Variants in CAPZB observed in about 807,000 individuals in gnomAD.
The protein encoded by CAPZB is F-actin-capping protein subunit beta.
A neutral mutation model predicts 38.1 loss-of-function variants in CAPZB; 2 were observed. That is an observed-to-expected ratio of 0.05 (90% CI 0.02 to 0.17). The LOEUF is 0.17. Among genes scored for constraint, CAPZB ranks in the 10% least tolerant of loss-of-function variants. The pLI is 1.00. For missense variants in CAPZB, 161 were observed against 334.2 expected, an observed-to-expected ratio of 0.48 and a Z score of 4.04; for synonymous variants, 107 against 127.4, an observed-to-expected ratio of 0.84 and a Z score of 1.08.
Position 19,467,376 on chromosome 1 carries a change from G to A in CAPZB, c.3+18060C>T, listed in dbSNP as rs187022954. ...AGAAGGGAGAAGGGAGGCAAAGAGA[G>A]GAACAGTCCCCTCCAGCGGCTCAGC... On this transcript the variant is annotated intron_variant, in intron 1 of 8. Coordinates refer to ENST00000264202, the MANE Select transcript of CAPZB (RefSeq NM_004930.5). 6.6e-5 allele frequency among the ~76,000 whole-genome samples: 10 copies of A among 152,282 alleles called. No individual in the cohort carries two copies. In the East Asian group the frequency reaches 1.9e-3, roughly 29 times the overall value.
At chr1:19,438,095 G>T (rs879477004) in intron 1 of CAPZB, among the ~76,000 whole-genome samples, 3 of 152,178 alleles carry the variant, frequency 2.0e-5, no homozygotes, top group African/African-American at 4.8e-5. Flanking sequence ...TACGTCAGGG[G>T]AGGGGACCGG....
chr1:19,437,179 T>G (rs553493786), intron 1 of CAPZB, among the ~76,000 whole-genome samples: 8 of 152,356 alleles, frequency 5.3e-5, no homozygotes, highest in African/African-American at 1.9e-4. Context: ...ATCTGCTGAC[T>G]GAGAGCTTTC....
intron 8 of CAPZB, among the ~76,000 whole-genome samples, chr1:19,343,712 C>A (rs143502652): frequency 6.6e-6 from 1 of 152,230 alleles, no homozygotes; most frequent in Admixed American, 6.5e-5. Flanking sequence ...CTCTGTCCGC[C>A]GTGGACCTGG....
chr1:19,427,091 C>T (rs190464413), intron 1 of CAPZB, among the ~76,000 whole-genome samples: 114 of 152,290 alleles, frequency 7.5e-4, no homozygotes, highest in Middle Eastern at 3.4e-3. Flanking sequence ...TAGCTGGGGC[C>T]AACTGCTAGA....
At position 19,394,436 on chromosome 1, in the gene CAPZB, G is replaced by A. The variant is rs79008803; in HGVS notation, c.94-8810C>T. On this transcript the variant is annotated intron_variant, in intron 2 of 8. Transcript: ENST00000264202. ...ATTTTGGCAACATTAAAACGCAAGCGATGGCTGGGCACAGTGGCTCACGCC... is the reference window on the plus strand; with the variant it reads ...ATTTTGGCAACATTAAAACGCAAGCAATGGCTGGGCACAGTGGCTCACGCC... 1.4e-3 allele frequency among the ~76,000 whole-genome samples: 220 copies of A among 152,314 alleles called. 3 individuals carry two copies. The East Asian group carries it at 0.037, about 26-fold the overall frequency.
chr1:19,418,060 G>A (rs1228571025), intron 2 of CAPZB, among the ~76,000 whole-genome samples: 1 of 146,284 alleles, frequency 6.8e-6, no homozygotes, highest in East Asian at 2.1e-4. Flanking sequence ...TGCTTGAACC[G>A]GGGAGGCGGA....
intron 1 of CAPZB, among the ~76,000 whole-genome samples, chr1:19,462,641 TGAAACAA>T (rs2094555823): frequency 6.6e-6 from 1 of 152,100 alleles, no homozygotes; most frequent in Non-Finnish European, 1.5e-5. Context: ...TAACCACATA[TGAAACAA>T]CATATTCACC....
intron 4 of CAPZB, among the ~76,000 whole-genome samples, chr1:19,373,454 C>G (rs941014574): frequency 6.6e-6 from 1 of 152,172 alleles, no homozygotes; most frequent in African/African-American, 2.4e-5. Context: ...AGAGCCTTTA[C>G]AGAGCCAGGG....
chr1:19,395,736 A>G (rs1280986953), intron 2 of CAPZB, among the ~76,000 whole-genome samples: 2 of 152,220 alleles, frequency 1.3e-5, no homozygotes, highest in African/African-American at 4.8e-5. Flanking sequence ...TGTGCAGAGA[A>G]GCCAGGGTCT....
intron 1 of CAPZB, among the ~76,000 whole-genome samples, chr1:19,469,674 A>T (rs937939840): frequency 6.6e-6 from 1 of 151,302 alleles, no homozygotes; most frequent in African/African-American, 2.4e-5. Context: ...GAGAGAAAAA[A>T]TACTCTACAC....
At chr1:19,400,852 C>G (rs2094299657) in intron 2 of CAPZB, among the ~76,000 whole-genome samples, 1 of 152,170 alleles carries the variant, frequency 6.6e-6, no homozygotes, top group East Asian at 1.9e-4. Context: ...GTGACAAGAG[C>G]CATCTTTTTC....
chr1:19,450,453 G>A (rs2094512406), intron 1 of CAPZB, among the ~76,000 whole-genome samples: 1 of 152,178 alleles, frequency 6.6e-6, no homozygotes, highest in Admixed American at 6.5e-5. Context: ...TTTCACATTA[G>A]GGATACTCAG....
intron 4 of CAPZB, among the ~76,000 whole-genome samples, chr1:19,365,770 G>A (rs1242356510): frequency 6.6e-6 from 1 of 151,950 alleles, no homozygotes; most frequent in African/African-American, 2.4e-5. Context: ...GGAGGCAGAG[G>A]TTGCGGTGAG....
chr1:19,432,042 C>CAAAAAAAAAAAAAAAAAAAAAA (rs10583269), intron 1 of CAPZB, among the ~76,000 whole-genome samples: 1 of 122,548 alleles, frequency 8.2e-6, no homozygotes, highest in Non-Finnish European at 1.7e-5. Context: ...GATCCTGTCT[C>CAAAAAAAAAAAAAAAAAAAAAA]AAAAAAAAAA....
chr1:19,457,507 A>G (rs1039705111), intron 1 of CAPZB, among the ~76,000 whole-genome samples: 4 of 152,230 alleles, frequency 2.6e-5, no homozygotes, highest in Admixed American at 6.5e-5. Context: ...ATTTAAGCAC[A>G]TGGCTCAAAG....
chr1:19,380,903 C>T (rs2094170854), intron 3 of CAPZB, among the ~76,000 whole-genome samples: 1 of 152,104 alleles, frequency 6.6e-6, no homozygotes, highest in African/African-American at 2.4e-5. Context: ...GGCGCGGTAG[C>T]TCACACCTGC....
At chr1:19,433,585 G>A (rs1056717271) in intron 1 of CAPZB, among the ~76,000 whole-genome samples, 5 of 152,144 alleles carry the variant, frequency 3.3e-5, no homozygotes, top group African/African-American at 7.2e-5. Context: ...CAGCACAAAC[G>A]GGCATGTCTG....
chr1:19,426,441 G>C lies in CAPZB; in HGVS notation c.4-6691C>G, dbSNP rs191713433. ...GTGACACTCCTCCCACTTGTGGTGG[G>C]GCGGGGGGGGGCTGTGTCCCCTCCG... On this transcript the variant is annotated intron_variant, in intron 1 of 8. Coordinates refer to ENST00000264202, the MANE Select transcript of CAPZB (RefSeq NM_004930.5). 1.7e-3 allele frequency among the ~76,000 whole-genome samples: 265 copies of C among 151,508 alleles called. 3 individuals carry two copies. Among genetic ancestry groups the C allele is most frequent in the African/African-American group, 6.2e-3 (253 of 40,920 alleles).
intron 4 of CAPZB, among the ~76,000 whole-genome samples, chr1:19,363,340 T>C (rs2094064710): frequency 6.7e-6 from 1 of 149,246 alleles, no homozygotes; most frequent in Admixed American, 6.9e-5. Flanking sequence ...GCACAGCCAA[T>C]TACAATTAAA....
Sources: gnomAD v4.1 joint callset for allele counts (sites outside exome capture counted in the v4.1 genomes callset) on GRCh38, gnomAD v4.1.1 for gene constraint, MANE v1.5 for transcripts, NCBI Gene and HGNC (gene_info 2026-07-23, HGNC 2026-07-21) for gene names.